Variants in RIN3 observed in about 807,000 individuals in gnomAD.
RIN3 encodes RAB5 interacting protein 3.
In RIN3, 54 loss-of-function variants were observed where a neutral mutation model predicts 76.3. The observed-to-expected ratio is 0.71, with a 90% CI of 0.57 to 0.89. The LOEUF (loss-of-function observed/expected upper bound fraction) is 0.89, where lower values mean the gene tolerates loss of function less well. Among genes scored for constraint, RIN3 ranks in the 40% least tolerant of loss-of-function variants. RIN3 has a pLI of 0.00. For synonymous variants in RIN3, 576 were observed against 564.0 expected (o/e 1.02, Z -0.30); for missense variants, 1,256 against 1,322.1 (o/e 0.95, Z 0.78).
intron 1 of RIN3, among the ~76,000 whole-genome samples, chr14:92,547,856 G>C (rs1897324437): frequency 6.6e-6 from 1 of 151,982 alleles, no homozygotes; most frequent in African/African-American, 2.4e-5. Context: ...GGCATGTGCA[G>C]CCATACCCAG....
chr14:92,652,845 G>T lies in RIN3; in HGVS notation c.1796G>T (p.Arg599Leu), dbSNP rs200221185. The T allele has an allele frequency of 3.6e-5, 58 of 1,613,932 alleles. No homozygotes were observed. The highest frequency in any genetic ancestry group is 4.4e-5 in the Non-Finnish European group (52 of 1,180,046). The change falls in exon 6 of 10, where the codon CGC becomes CTC. Residue 599 changes from arginine (R) to leucine (L), a missense_variant. Coordinates refer to ENST00000216487, the MANE Select transcript of RIN3 (RefSeq NM_024832.5). The surrounding 1 kb of genome is among the most constrained non-coding windows in gnomAD (Gnocchi z 6.4). ...SMFHAFLSNN[R>L]KLYKKVVELA... The stretch of plus-strand genomic sequence containing the variant: ...TTCCACGCTTTCCTCTCCAACAACC[G>T]CAAGCTGTACAAGAAGGTGGTGGAG...
intron 8 of RIN3, among the ~76,000 whole-genome samples, chr14:92,680,243 G>A (rs576746320): frequency 2.7e-5 from 4 of 146,946 alleles, no homozygotes; most frequent in African/African-American, 1.0e-4. Context: ...TCTGTCACCC[G>A]GACTGGAGTG....
rs1478043652 is a variant in RIN3, at chr14:92,660,417, T to A, written c.2335+948T>A. Among the ~76,000 whole-genome samples, 14 of 151,056 alleles carry A rather than the reference T, an allele frequency of 9.3e-5. No homozygotes were observed. In the South Asian group the frequency reaches 2.2e-3, roughly 24 times the overall value. On this transcript the variant is annotated intron_variant, in intron 7 of 9. Coordinates refer to ENST00000216487, the MANE Select transcript of RIN3 (RefSeq NM_024832.5). ...GCTGCTCTGGGATGGCCTTGCCCACTTGCTGAGTGGTTGGTTGGCTGTTGG... is the reference window on the plus strand; with the variant it reads ...GCTGCTCTGGGATGGCCTTGCCCACATGCTGAGTGGTTGGTTGGCTGTTGG...
rs576923050 is a variant in RIN3, at chr14:92,663,193, T to TGTG, written c.2335+3725_2335+3726insTGG. Among the ~76,000 whole-genome samples the TGTG allele has an allele frequency of 7.9e-4, 120 of 152,366 alleles. No homozygotes were observed. In the East Asian group the frequency reaches 0.021, roughly 27 times the overall value. ...TTTCAAGTATATCTACATTGTGGAA[T>TGTG]GACTAAAGCTAGCGTCATCTCACAT... On this transcript the variant is annotated intron_variant, in intron 7 of 9. Coordinates refer to ENST00000216487, the MANE Select transcript of RIN3 (RefSeq NM_024832.5).
At position 92,570,669 on chromosome 14, in the gene RIN3, A is replaced by AT. The variant is rs946914363; in HGVS notation, c.250-6691_250-6690insT. On this transcript the variant is annotated intron_variant, in intron 2 of 9. Transcript: ENST00000216487. Reference sequence around the variant, plus strand: ...AAAGTGAGACTGTCTCAAAAAAAAAAAAAGAAGTGACATTCAGAAAATGTG... The same window carrying AT: ...AAAGTGAGACTGTCTCAAAAAAAAAATAAAGAAGTGACATTCAGAAAATGTG... Among the ~76,000 whole-genome samples the AT allele has an allele frequency of 1.5e-4, 23 of 151,822 alleles. 1 individual carries two copies. In the South Asian group the frequency reaches 4.0e-3, roughly 26 times the overall value.
chr14:92,565,048 G>A (rs1242888658), intron 2 of RIN3, among the ~76,000 whole-genome samples: 6 of 152,310 alleles, frequency 3.9e-5, no homozygotes, highest in South Asian at 2.1e-4. Context: ...TCCTGGAGGT[G>A]GACAAAGGTG....
Position 92,527,217 on chromosome 14 carries a change from A to AT in RIN3, c.44+13249dup, listed in dbSNP as rs549507421. ...AGGCGCCCGCCACCACGCCCGGCTA[A>AT]TTTTTTTTGTATTTTTAGTAGAGAC... is the stretch of plus-strand genomic sequence containing the variant. On this transcript the variant is annotated intron_variant, in intron 1 of 9. Transcript: ENST00000216487. Among the ~76,000 whole-genome samples the AT allele has an allele frequency of 9.3e-5, 14 of 151,082 alleles. No individual in the cohort carries two copies. The South Asian group carries it at 1.0e-3, about 11-fold the overall frequency.
chr14:92,516,629 C>T (rs74075416), intron 1 of RIN3, among the ~76,000 whole-genome samples: 13 of 152,066 alleles, frequency 8.5e-5, no homozygotes, highest in Non-Finnish European at 1.5e-4. Flanking sequence ...CCCCCCACCC[C>T]GAGAAGCCCC....
At chr14:92,520,087 A>G (rs188398604) in intron 1 of RIN3, among the ~76,000 whole-genome samples, 128 of 152,370 alleles carry the variant, frequency 8.4e-4, no homozygotes, top group African/African-American at 3.0e-3. Context: ...CCCTGCCCCA[A>G]TTTGACCTCA....
chr14:92,659,963 C>A (rs1197144520), intron 7 of RIN3, among the ~76,000 whole-genome samples: 1 of 152,210 alleles, frequency 6.6e-6, no homozygotes, highest in East Asian at 1.9e-4. Flanking sequence ...TGGTGTGCTT[C>A]CTGTGTGCAT....
chr14:92,611,505 G>A (rs1885735491), intron 3 of RIN3, among the ~76,000 whole-genome samples: 1 of 151,980 alleles, frequency 6.6e-6, no homozygotes, highest in South Asian at 2.1e-4. Context: ...CACCCGCCTC[G>A]GCCTCCCAAA....
At chr14:92,583,223 C>T (rs186527373) in intron 3 of RIN3, among the ~76,000 whole-genome samples, 2 of 152,356 alleles carry the variant, frequency 1.3e-5, no homozygotes, top group Non-Finnish European at 2.9e-5. Context: ...GTTCCCCACA[C>T]AGAGCTGAGG....
chr14:92,641,255 C>T lies in RIN3; in HGVS notation c.458C>T (p.Thr153Ile), dbSNP rs371897201. 26 of 1,614,010 alleles carry T rather than the reference C, an allele frequency of 1.6e-5. No individual in the cohort carries two copies. The African/African-American group carries it at 2.5e-4, about 16-fold the overall frequency. ...CTTCACAGAGACTTACTGCCCTTCA[C>T]ACTGCGGCTACCCCAGGCCATCCTT... ...YCVSRDLLPFTLRLPQAILEA... is the reference protein window; with the variant it reads ...YCVSRDLLPFILRLPQAILEA... The change falls in exon 5 of 10, where the codon ACA (threonine) becomes ATA (isoleucine). Residue 153 changes from threonine (T) to isoleucine (I), a missense_variant. Transcript: ENST00000216487.
At chr14:92,625,165 T>C (rs1337226491) in intron 4 of RIN3, among the ~76,000 whole-genome samples, 1 of 152,190 alleles carries the variant, frequency 6.6e-6, no homozygotes, top group Non-Finnish European at 1.5e-5. Context: ...TGGTAACCTA[T>C]AGAGCATTTC....
intron 1 of RIN3, among the ~76,000 whole-genome samples, chr14:92,518,370 C>T (rs1282642206): frequency 1.3e-5 from 2 of 152,192 alleles, no homozygotes; most frequent in African/African-American, 4.8e-5. Context: ...TCTTTTGTGT[C>T]CCTGGAGCCC....
chr14:92,565,718 AG>A (rs2140046330), intron 2 of RIN3, among the ~76,000 whole-genome samples: 1 of 152,280 alleles, frequency 6.6e-6, no homozygotes, highest in African/African-American at 2.4e-5. Context: ...ATGAGCAGTG[AG>A]GATGACCAGA....
intron 2 of RIN3, among the ~76,000 whole-genome samples, chr14:92,572,208 G>C (rs984595677): frequency 6.6e-6 from 1 of 152,184 alleles, no homozygotes; most frequent in African/African-American, 2.4e-5. Context: ...CCCTGGGGTG[G>C]GCTGTCTGCA....
At position 92,556,709 on chromosome 14, in the gene RIN3, G is replaced by A. The variant is rs1252934834; in HGVS notation, c.249+754G>A. On this transcript the variant is annotated intron_variant, in intron 2 of 9. Transcript: ENST00000216487. The stretch of plus-strand genomic sequence containing the variant: ...CTCCCACACACATTTTCTCCTATAC[G>A]CTGCTTCCTTTTAAAAACAACTTGA... Among the ~76,000 whole-genome samples the A allele has an allele frequency of 2.0e-5, 3 of 152,026 alleles. No individual in the cohort carries two copies. In the East Asian group the frequency reaches 5.8e-4, roughly 29 times the overall value.
chr14:92,562,453 A>G (rs570740403), intron 2 of RIN3, among the ~76,000 whole-genome samples: 11 of 152,216 alleles, frequency 7.2e-5, no homozygotes, highest in Non-Finnish European at 1.2e-4. Context: ...TATCTAATAA[A>G]TTATTTGGAA....
Sources: gnomAD v4.1 joint callset for allele counts (sites outside exome capture counted in the v4.1 genomes callset) on GRCh38, gnomAD v4.1.1 for gene constraint, Gnocchi (gnomAD v3.1) non-coding constraint, MANE v1.5 for transcripts, NCBI Gene and HGNC (gene_info 2026-07-23, HGNC 2026-07-21) for gene names.